Variants in WDR7 observed in about 807,000 individuals in gnomAD.
The protein encoded by WDR7 is WD repeat domain 7, also known as WD repeat-containing protein 7.
A neutral mutation model predicts 169.4 loss-of-function variants in WDR7; 46 were observed. That is an observed-to-expected ratio of 0.27 (90% CI 0.21 to 0.35). The LOEUF is 0.35. WDR7 is among the 10% of genes least tolerant of loss of function. The pLI is 1.00. For synonymous variants in WDR7, 612 were observed against 666.8 expected (o/e 0.92, Z 1.27); for missense variants, 1,534 against 1,859.3 (o/e 0.83, Z 3.22).
intron 20 of WDR7, among the ~76,000 whole-genome samples, chr18:56,838,708 G>C (rs2045433070): frequency 6.6e-6 from 1 of 152,184 alleles, no homozygotes; most frequent in Admixed American, 6.5e-5. Context: ...ACTGGAATTA[G>C]AACTGAGTGA....
intron 19 of WDR7, among the ~76,000 whole-genome samples, chr18:56,809,693 G>A (rs956866174): frequency 2.0e-5 from 3 of 151,802 alleles, no homozygotes; most frequent in Non-Finnish European, 4.4e-5. Flanking sequence ...ATTTTTTCTA[G>A]TCTCTGTGTT....
chr18:56,967,940 C>T (rs2047434232), intron 26 of WDR7, among the ~76,000 whole-genome samples: 1 of 152,178 alleles, frequency 6.6e-6, no homozygotes, highest in Non-Finnish European at 1.5e-5. Context: ...AGTCTATACA[C>T]ATTAAATGCA....
At chr18:56,698,651 G>A (rs2025758453) in intron 12 of WDR7, among the ~76,000 whole-genome samples, 1 of 151,510 alleles carries the variant, frequency 6.6e-6, no homozygotes, top group Non-Finnish European at 1.5e-5. Flanking sequence ...ATAATAAAAT[G>A]TTTTTGACTA....
At chr18:56,882,442 A>G (rs2046121907) in intron 21 of WDR7, among the ~76,000 whole-genome samples, 1 of 152,244 alleles carries the variant, frequency 6.6e-6, no homozygotes, top group South Asian at 2.1e-4. Flanking sequence ...ATATTTTCAC[A>G]GTATCTTGAG....
chr18:56,926,996 C>T (rs993538702), intron 22 of WDR7, among the ~76,000 whole-genome samples: 2 of 152,188 alleles, frequency 1.3e-5, no homozygotes, highest in South Asian at 2.1e-4. Context: ...GGTGCTCAGC[C>T]GCCTTGCTTC....
chr18:56,738,034 C>T (rs895652566), intron 14 of WDR7, among the ~76,000 whole-genome samples: 1 of 152,004 alleles, frequency 6.6e-6, no homozygotes, highest in Non-Finnish European at 1.5e-5. Context: ...TTAAATTACG[C>T]CAATTGTTGT....
At chr18:56,823,197 GTA>G (rs1284159024) in intron 20 of WDR7, among the ~76,000 whole-genome samples, 2 of 152,110 alleles carry the variant, frequency 1.3e-5, no homozygotes, top group Non-Finnish European at 2.9e-5. Flanking sequence ...AATCAAATCT[GTA>G]TCTCCAACCT....
chr18:56,976,325 TAC>T (rs1167834107), intron 26 of WDR7, among the ~76,000 whole-genome samples: 2 of 152,196 alleles, frequency 1.3e-5, no homozygotes, highest in African/African-American at 4.8e-5. Flanking sequence ...AAGGATGTGC[TAC>T]AGACTGATAG....
At chr18:56,740,068 GT>G (rs1323814419) in intron 14 of WDR7, among the ~76,000 whole-genome samples, 4 of 151,646 alleles carry the variant, frequency 2.6e-5, no homozygotes, top group Non-Finnish European at 5.9e-5. Context: ...TTAAAAAATT[GT>G]TTTTCGTAGG....
downstream of WDR7, chr18:57,033,877 G>T (rs919560031): frequency 1.3e-5 from 2 of 151,990 alleles, no homozygotes; most frequent in Non-Finnish European, 2.9e-5. Context: ...CTGAGGTGTG[G>T]TGGCTCATGC....
At chr18:56,830,357 A>T (rs1321662840) in intron 20 of WDR7, among the ~76,000 whole-genome samples, 3 of 152,200 alleles carry the variant, frequency 2.0e-5, no homozygotes, top group Admixed American at 6.5e-5. Context: ...GAATTTTTTT[A>T]AAATTTGGTT....
rs1036280857 is a variant in WDR7, at chr18:56,694,747, G to A, written c.1095G>A (p.Gln365=). The A allele has an allele frequency of 1.9e-6, 3 of 1,608,732 alleles. No individual in the cohort carries two copies. In the African/African-American group the frequency reaches 4.0e-5, roughly 22 times the overall value. The change falls in exon 10 of 28, where the codon CAG becomes CAA. Residue 365 remains glutamine (Q), a synonymous_variant. Coordinates refer to ENST00000254442, the MANE Select transcript of WDR7 (RefSeq NM_015285.3). ...ACATATCAGACACAGCTGATAAACA[G>A]GGAAGTGAAGAAGGTAATAGTAAAT... ...IWNISDTADK[Q]GSEEGLAMTT... is the part of the protein sequence containing the mutation.
At chr18:56,662,207 A>T (rs1231876024) in intron 1 of WDR7, among the ~76,000 whole-genome samples, 2 of 152,230 alleles carry the variant, frequency 1.3e-5, no homozygotes, top group Non-Finnish European at 2.9e-5. Context: ...GGACACAAGA[A>T]GTACATAGAC....
Position 56,779,469 on chromosome 18 carries a change from C to T in WDR7, c.2986C>T (p.Pro996Ser), listed in dbSNP as rs767046988. The change falls in exon 18 of 28, where the codon CCA becomes TCA. Residue 996 changes from proline to serine, a missense_variant. By Grantham distance (74) the Pro-to-Ser change is moderately conservative. Transcript: ENST00000254442. The stretch of plus-strand genomic sequence containing the variant: ...AGCTGCTATGCACTGTGTTATGCTG[C>T]CAGACCTACTGGGATTGGATAAATT... ...QLAAMHCVML[P>S]DLLGLDKFRP... 5 of 1,613,852 alleles carry T rather than the reference C, an allele frequency of 3.1e-6. No individual in the cohort carries two copies. Among genetic ancestry groups the T allele is most frequent in the South Asian group, 2.2e-5 (2 of 91,046 alleles).
At chr18:56,959,138 C>T (rs533678381) in intron 25 of WDR7, among the ~76,000 whole-genome samples, 40 of 152,088 alleles carry the variant, frequency 2.6e-4, no homozygotes, top group Non-Finnish European at 4.7e-4. Context: ...AGTGAGGGCA[C>T]GAGCAATGGC....
intron 19 of WDR7, among the ~76,000 whole-genome samples, chr18:56,783,703 T>C (rs2145082662): frequency 6.6e-6 from 1 of 152,282 alleles, no homozygotes; most frequent in Non-Finnish European, 1.5e-5. Context: ...GAATAAAAGA[T>C]AATTTCTAAG....
At chr18:56,801,853 T>C (rs1282047859) in intron 19 of WDR7, among the ~76,000 whole-genome samples, 1 of 152,168 alleles carries the variant, frequency 6.6e-6, no homozygotes, top group Non-Finnish European at 1.5e-5. Flanking sequence ...ATTCACCTGT[T>C]TAGGGACATC....
intron 17 of WDR7, 45 bp downstream of exon 17, chr18:56,776,925 A>T (rs1345623739): frequency 1.2e-5 from 18 of 1,506,018 alleles, no homozygotes; most frequent in Middle Eastern, 3.4e-4. Flanking sequence ...TCTGTGCTTT[A>T]TTCTGACAGA....
chr18:56,754,118 A>G (rs900533833), intron 14 of WDR7, among the ~76,000 whole-genome samples: 6 of 151,808 alleles, frequency 4.0e-5, no homozygotes, highest in African/African-American at 1.5e-4. Flanking sequence ...GTTTGTGTGT[A>G]TATATGTACA....
Sources: allele counts gnomAD v4.1 joint callset (sites outside exome capture counted in the v4.1 genomes callset), GRCh38; gene constraint gnomAD v4.1.1; transcripts MANE v1.5; gene names NCBI Gene and HGNC (gene_info 2026-07-23, HGNC 2026-07-21).